The following GLI4 variants were observed in gnomAD, a reference collection of about 807,000 sequenced individuals.
The protein encoded by GLI4 is zinc finger protein GLI4.
In GLI4, 34 loss-of-function variants were observed where a neutral mutation model predicts 30.9. That is an observed-to-expected ratio of 1.10 (90% CI 0.84 to 1.47). GLI4 has a LOEUF of 1.47. GLI4 is among the 40% of genes most tolerant of loss of function. GLI4 has a pLI of 0.00. For missense variants in GLI4, 696 were observed against 538.9 expected, an observed-to-expected ratio of 1.29 and a Z score of -2.89; for synonymous variants, 277 against 236.7, an observed-to-expected ratio of 1.17 and a Z score of -1.56.
intron 3 of GLI4, 127 bp from the exon 4 acceptor site, chr8:143,275,770 G>A (rs1174325751): frequency 3.2e-6 from 4 of 1,239,294 alleles, no homozygotes; most frequent in African/African-American, 3.1e-5. Context: ...CATCCACTGG[G>A]TGCCTGGCCC....
chr8:143,275,378 G>C, intron 3 of GLI4: 1 of 1,402,946 alleles, frequency 7.1e-7, no homozygotes, highest in South Asian at 1.7e-5. Context: ...TCCCTGGAAA[G>C]AGACCCTGGG....
At chr8:143,272,990 T>C (rs1815303226) in intron 2 of GLI4, 1 of 152,214 alleles carries the variant, frequency 6.6e-6, no homozygotes, top group Non-Finnish European at 1.5e-5. Flanking sequence ...GTAATGTCAC[T>C]GGCCCTCTTA....
rs879012447 is a variant in GLI4, at chr8:143,274,641, CAGAG to C, written c.125-60_125-57del. 14 of 1,481,252 alleles carry C rather than the reference CAGAG, an allele frequency of 9.5e-6. No homozygotes were observed. In the South Asian group the frequency reaches 1.4e-4, roughly 15 times the overall value. 91.8% of individuals were successfully genotyped at this position (1,481,252 alleles called of 1,614,324 possible). On this transcript the variant is annotated intron_variant, in intron 2 of 3. Transcript: ENST00000340042. The stretch of plus-strand genomic sequence containing the variant: ...CCACAGCCCGGGAGCACGTGGCGGT[CAGAG>C]AGGAGCGGAGGCAGTGGTCCAGAGG...
rs760771530 is a variant in GLI4 at position 143,274,780 on chromosome 8, C to T, written c.201C>T (p.Ile67=). 7.1e-5 allele frequency: 112 copies of T among 1,567,308 alleles called. No individual in the cohort carries two copies. The highest frequency in any genetic ancestry group is 8.8e-5 in the Non-Finnish European group (101 of 1,153,790). ...TCCAAGACGTAGAGGAAGTGGAGAT[C>T]GGCAGAGACACCTTCTGGCCCGGTG... The part of the protein sequence containing the change: ...LDLQDVEEVE[I]GRDTFWPDSE... Residue 67 remains isoleucine (I), a synonymous_variant, in exon 3 of 4, where the codon ATC becomes ATT. Transcript: ENST00000340042.
Position 143,276,070 on chromosome 8 carries a change from G to A in GLI4, c.397G>A (p.Ala133Thr), listed in dbSNP as rs960525600. Residue 133 changes from alanine (A) to threonine (T), a missense_variant, in exon 4 of 4, where the codon GCC (alanine) becomes ACC (threonine). By Grantham distance (58) the Ala-to-Thr change is moderately conservative. Transcript: ENST00000340042. The stretch of plus-strand genomic sequence containing the variant: ...GCGGCCGGCGGGCCAGCCGCCTGGG[G>A]CCGTCCCTTGCGCCCAGCCGCGGGG... ...AERPAGQPPGAVPCAQPRGAW... is the reference protein window; with the variant it reads ...AERPAGQPPGTVPCAQPRGAW... 9 of 1,400,826 alleles carry A rather than the reference G, an allele frequency of 6.4e-6. No individual in the cohort carries two copies. The African/African-American group carries it at 1.2e-4, about 19-fold the overall frequency. The allele number at this position is 1,400,826 out of a possible 1,614,324, so 86.8% of individuals were successfully genotyped here. A position where few individuals can be genotyped will look rare whatever the true frequency, so the allele number is the denominator to read the frequency against.
chr8:143,267,485 G>T lies in GLI4; in HGVS notation c.-38+1G>T, dbSNP rs1586724048. 3.0e-6 allele frequency: 3 copies of T among 986,194 alleles called. No homozygotes were observed. Among genetic ancestry groups the T allele is most frequent in the Non-Finnish European group, 3.6e-6 (3 of 830,612 alleles). 61.1% of individuals were successfully genotyped at this position (986,194 alleles called of 1,614,324 possible). On this transcript the variant is annotated splice_donor_variant, in intron 1 of 3. Transcript: ENST00000340042. LOFTEE classifies it low-confidence loss of function (5UTR_SPLICE). ...GCGGCGTCCTCCTCCCGCTCGGAAG[G>T]TGAGTGGGCGCGGGCGGCGGCGGCG...
chr8:143,275,683 C>A (rs1403193312), intron 3 of GLI4: 1 of 1,241,184 alleles, frequency 8.1e-7, no homozygotes. Context: ...TCTGGGTCAC[C>A]CTGCAACGCC....
intron 2 of GLI4, chr8:143,273,252 G>A (rs1815308733): frequency 6.6e-6 from 1 of 152,234 alleles, no homozygotes; most frequent in Non-Finnish European, 1.5e-5. Flanking sequence ...GCCAGGGGAT[G>A]GTGACATGGT....
intron 1 of GLI4, 75 bp downstream of exon 1, chr8:143,267,559 C>T (rs994217830): frequency 1.0e-6 from 1 of 985,460 alleles, no homozygotes; most frequent in Non-Finnish European, 1.2e-6. Context: ...CGCCGTACTC[C>T]GCGGTGCAGC....
intron 2 of GLI4, chr8:143,273,432 G>A (rs1218858584): frequency 2.6e-5 from 4 of 152,314 alleles, no homozygotes; most frequent in Non-Finnish European, 4.4e-5. Flanking sequence ...CTTCATATCG[G>A]GCCTCCCCTC....
In GLI4 at chr8:143,276,222, C is replaced by T; in HGVS notation, c.549C>T (p.His183=). 1 of 1,592,766 alleles carries T rather than the reference C, an allele frequency of 6.3e-7. No homozygotes were observed. Among genetic ancestry groups the T allele is most frequent in the Non-Finnish European group, 8.5e-7 (1 of 1,170,474 alleles). The change falls in exon 4 of 4, where the codon CAC becomes CAT. Residue 183 remains histidine, a synonymous_variant. Coordinates refer to ENST00000340042, the MANE Select transcript of GLI4 (RefSeq NM_138465.4). The part of the protein sequence containing the change: ...RQGSARGAKP[H]RCEACGKSFK... ...GCAGCGCGCGGGGGGCCAAGCCGCA[C>T]AGGTGCGAGGCCTGCGGCAAGAGTT...
In GLI4 at chr8:143,276,859, C is replaced by G. The variant is rs75791923; in HGVS notation, c.*55C>G. On this transcript the variant is annotated 3_prime_UTR_variant, in exon 4 of 4. Transcript: ENST00000340042. ...ACCTGCCCCCAACCCACCCTCCACC[C>G]CGTCCCCCACGGTGGGCACTGCCCA... 1 of 1,143,276 alleles carries G rather than the reference C, an allele frequency of 8.7e-7. No homozygotes were observed. The highest frequency in any genetic ancestry group is 1.5e-5 in the African/African-American group (1 of 64,668). 70.8% of individuals were successfully genotyped at this position (1,143,276 alleles called of 1,614,324 possible).
chr8:143,276,727 G>C lies in GLI4; in HGVS notation c.1054G>C (p.Ala352Pro), dbSNP rs1358961378. Reference sequence around the variant, plus strand: ...GACCCACACGGGCGAGAAGCCCTTCGCGTGTGGCGCCTGCGGCAAGGCCTT... The same window carrying C: ...GACCCACACGGGCGAGAAGCCCTTCCCGTGTGGCGCCTGCGGCAAGGCCTT... ...LRTHTGEKPF[A>P]CGACGKAFGQ... Residue 352 changes from alanine to proline, a missense_variant, in exon 4 of 4, where the codon GCG becomes CCG. Physicochemically the swap from Ala to Pro is conservative, Grantham distance 27. Coordinates refer to ENST00000340042, the MANE Select transcript of GLI4 (RefSeq NM_138465.4). The C allele has an allele frequency of 6.2e-7, 1 of 1,609,510 alleles. No homozygotes were observed.
intron 3 of GLI4, chr8:143,275,632 C>T: frequency 3.2e-6 from 4 of 1,234,184 alleles, no homozygotes; most frequent in Non-Finnish European, 2.0e-6. Flanking sequence ...GCTCCGTGCA[C>T]CGGCACGGCC....
chr8:143,268,705 G>T (rs1815195312), intron 1 of GLI4, among the ~76,000 whole-genome samples: 1 of 152,264 alleles, frequency 6.6e-6, no homozygotes, highest in Non-Finnish European at 1.5e-5. Context: ...TGGGGGAGGG[G>T]TGATGCCACG....
intron 1 of GLI4, 24 bp from the exon 2 acceptor site, chr8:143,269,336 T>G: frequency 6.3e-7 from 1 of 1,577,204 alleles, no homozygotes; most frequent in Non-Finnish European, 8.7e-7. Flanking sequence ...TCCCCTCATC[T>G]GCCATGGTTT....
chr8:143,276,929 G>A lies in GLI4; in HGVS notation c.*125G>A, dbSNP rs1815405233. 8.6e-6 allele frequency: 6 copies of A among 700,778 alleles called. No homozygotes were observed. The highest frequency in any genetic ancestry group is 1.4e-5 in the Non-Finnish European group (6 of 429,822). The allele number at this position is 700,778 out of a possible 1,614,324, so 43.4% of individuals were successfully genotyped here. The stretch of plus-strand genomic sequence containing the variant: ...CGGAATAAATTCTTTTTGATTGTTG[G>A]AAGTGGGAGCCGGCACCTGCCTGGG... On this transcript the variant is annotated 3_prime_UTR_variant, in exon 4 of 4. Transcript: ENST00000340042.
At chr8:143,271,216 G>C (rs548474557) in intron 2 of GLI4, among the ~76,000 whole-genome samples, 1 of 152,228 alleles carries the variant, frequency 6.6e-6, no homozygotes, top group Non-Finnish European at 1.5e-5. Flanking sequence ...TGGGCCCTGA[G>C]AACAGCAAGT....
At chr8:143,268,183 C>T (rs1668056443) in intron 1 of GLI4, 1 of 725,820 alleles carries the variant, frequency 1.4e-6, no homozygotes. Context: ...CTGACCCTTC[C>T]CATCATTAGG....
Sources: allele counts gnomAD v4.1 joint callset (sites outside exome capture counted in the v4.1 genomes callset), GRCh38; gene constraint gnomAD v4.1.1; transcripts MANE v1.5; gene names NCBI Gene and HGNC (gene_info 2026-07-23, HGNC 2026-07-21).